MACF1: variants seen among roughly 807,000 people sequenced by gnomAD.
MACF1 encodes the protein microtubule-actin cross-linking factor 1.
In MACF1, 193 loss-of-function variants were observed where a neutral mutation model predicts 854.8. That is an observed-to-expected ratio of 0.23 (90% CI 0.20 to 0.25). The LOEUF is 0.25. MACF1 is among the 10% of genes least tolerant of loss of function. The pLI is 1.00. For missense variants in MACF1, 7,722 were observed against 8,929.1 expected, an observed-to-expected ratio of 0.86 and a Z score of 5.45; for synonymous variants, 3,185 against 3,226.7, an observed-to-expected ratio of 0.99 and a Z score of 0.44.
At chr1:39,211,435 A>G (rs1644515078) in intron 1 of MACF1, among the ~76,000 whole-genome samples, 1 of 152,136 alleles carries the variant, frequency 6.6e-6, no homozygotes, top group African/African-American at 2.4e-5. Context: ...TTAAATTTAA[A>G]AAAAATTTCA....
At chr1:39,282,497 G>A (rs1571262686) in intron 7 of MACF1, 123 bp downstream of exon 7, 1 of 1,157,066 alleles carries the variant, frequency 8.6e-7, no homozygotes, top group South Asian at 1.9e-5. Flanking sequence ...TTGTTCATTT[G>A]AAAAAGAAAC....
At chr1:39,351,493 T>G (rs994973470) in intron 43 of MACF1, among the ~76,000 whole-genome samples, 5 of 152,092 alleles carry the variant, frequency 3.3e-5, no homozygotes, top group African/African-American at 9.6e-5. Flanking sequence ...TCTTGCTATC[T>G]GTATACTCAG....
chr1:39,139,971 TA>T (rs1643302635), intron 2 of MACF1, among the ~76,000 whole-genome samples: 2 of 151,592 alleles, frequency 1.3e-5, no homozygotes, highest in Non-Finnish European at 2.9e-5. Flanking sequence ...TAATTTTTTT[TA>T]GAGACAAGGT....
Position 39,332,751 on chromosome 1 carries a change from G to A in MACF1, c.6163G>A (p.Glu2055Lys). 1.2e-6 allele frequency: 2 copies of A among 1,614,180 alleles called. No homozygotes were observed. The highest frequency in any genetic ancestry group is 1.7e-6 in the Non-Finnish European group (2 of 1,180,036). ...SSQNKEYPDR[E>K]DCTTEKGKKT... Reference sequence around the variant, plus strand: ...TCAGAACAAAGAATATCCCGATCGGGAAGATTGCACTACAGAAAAAGGCAA... The same window carrying A: ...TCAGAACAAAGAATATCCCGATCGGAAAGATTGCACTACAGAAAAAGGCAA... Residue 2055 changes from glutamate (E) to lysine (K), a missense_variant, in exon 37 of 101, where the codon GAA (glutamate) becomes AAA (lysine). Around this residue, in one of 15 missense-constraint regions of MACF1, gnomAD observed 1,531 missense variants for 1,601.6 expected, o/e 0.96. Transcript: ENST00000564288.
chr1:39,310,775 G>C, intron 25 of MACF1, 56 bp from the exon 26 acceptor site: 1 of 1,508,938 alleles, frequency 6.6e-7, no homozygotes, highest in Non-Finnish European at 9.0e-7. Flanking sequence ...TAGGATATCA[G>C]GTCTGCTTAT....
At chr1:39,139,557 A>C (rs1336463347) in intron 2 of MACF1, among the ~76,000 whole-genome samples, 1 of 151,808 alleles carries the variant, frequency 6.6e-6, no homozygotes, top group African/African-American at 2.4e-5. Context: ...AAAATGAACT[A>C]GTGCTTTCTG....
At chr1:39,228,080 G>A (rs1280238445) in intron 1 of MACF1, among the ~76,000 whole-genome samples, 1 of 152,166 alleles carries the variant, frequency 6.6e-6, no homozygotes, top group East Asian at 1.9e-4. Flanking sequence ...GGAGGCCAAC[G>A]CGGGTGGATC....
intron 1 of MACF1, 100 bp downstream of exon 1, chr1:39,205,231 A>G (rs949508682): frequency 1.6e-5 from 11 of 675,618 alleles, no homozygotes; most frequent in Non-Finnish European, 2.7e-5. Context: ...TTAAAGGGCC[A>G]GTACGTCCTT....
chr1:39,282,042 GCATT>G (rs997751235), intron 6 of MACF1, among the ~76,000 whole-genome samples, 162 bp from the exon 7 acceptor site: 8 of 152,106 alleles, frequency 5.3e-5, no homozygotes, highest in African/African-American at 1.9e-4. Context: ...GTTTTAATTT[GCATT>G]TATTTGACTA....
chr1:39,411,702 A>C, intron 58 of MACF1: 1 of 1,613,868 alleles, frequency 6.2e-7, no homozygotes, highest in Admixed American at 1.7e-5. Flanking sequence ...GTGAAGAAGG[A>C]GTAACTCCTC....
At chr1:39,165,605 A>C (rs1643874291) in intron 2 of MACF1, among the ~76,000 whole-genome samples, 1 of 152,078 alleles carries the variant, frequency 6.6e-6, no homozygotes, top group Non-Finnish European at 1.5e-5. Context: ...TTTTCCCCTC[A>C]TCCTTGATTT....
intron 66 of MACF1, 101 bp downstream of exon 66, chr1:39,431,009 G>A (rs916179388): frequency 1.3e-5 from 14 of 1,056,112 alleles, no homozygotes; most frequent in Non-Finnish European, 1.9e-5. Flanking sequence ...ATAAGAATGG[G>A]CTCAAGCTAA....
chr1:39,360,012 AATATATATATAT>A (rs1188839648), intron 47 of MACF1, among the ~76,000 whole-genome samples: 306 of 28,776 alleles, frequency 0.011, 8 homozygotes, highest in East Asian at 0.062. Context: ...AAAAAAAAAA[AATATATATATAT>A]ATATATATAT....
intron 58 of MACF1, chr1:39,411,050 C>G (rs748902574): frequency 1.2e-6 from 2 of 1,613,850 alleles, no homozygotes; most frequent in Middle Eastern, 1.6e-4. Flanking sequence ...TGGCCGAGGG[C>G]CACAAAAAGT....
chr1:39,483,960 G>C (rs1291549156), intron 99 of MACF1, among the ~76,000 whole-genome samples: 3 of 152,150 alleles, frequency 2.0e-5, no homozygotes, highest in Non-Finnish European at 4.4e-5. Context: ...GACCATCCTG[G>C]CTAACACGGT....
At chr1:39,454,884 C>T in intron 88 of MACF1, 25 bp from the exon 89 acceptor site, 1 of 1,595,540 alleles carries the variant, frequency 6.3e-7, no homozygotes, top group Non-Finnish European at 8.5e-7. Context: ...CTGAAAGAGG[C>T]CATGGTTTCC....
chr1:39,406,386 G>T (rs1236177262), intron 58 of MACF1, among the ~76,000 whole-genome samples: 1 of 152,156 alleles, frequency 6.6e-6, no homozygotes, highest in Non-Finnish European at 1.5e-5. Context: ...GTTGATACCT[G>T]ACTTGGTGAG....
intron 35 of MACF1, among the ~76,000 whole-genome samples, chr1:39,325,662 T>G (rs1353602688): frequency 6.6e-6 from 1 of 152,144 alleles, no homozygotes; most frequent in East Asian, 1.9e-4. Context: ...AAGTACAACC[T>G]TAAACAGGAA....
chr1:39,361,547 T>C lies in MACF1; in HGVS notation c.12641T>C (p.Leu4214Pro). The change falls in exon 49 of 101, where the codon CTT (leucine) becomes CCT (proline). Residue 4214 changes from leucine to proline, a missense_variant. Leu to Pro is a moderately conservative substitution (Grantham distance 98). Coordinates refer to ENST00000564288, the MANE Select transcript of MACF1 (RefSeq NM_001394062.1). Reference protein sequence around the residue: ...QQEKESSLKKLLPQAEMFEHL... With the variant: ...QQEKESSLKKPLPQAEMFEHL... The stretch of plus-strand genomic sequence containing the variant: ...GAAAAGGAGAGCTCCCTAAAGAAGC[T>C]TCTACCCCAGGCAGAGATGTTTGAA... 6.2e-7 allele frequency: 1 copy of C among 1,614,128 alleles called. No homozygotes were observed. The highest frequency in any genetic ancestry group is 8.5e-7 in the Non-Finnish European group (1 of 1,180,024).
Sources: allele counts gnomAD v4.1 joint callset (sites outside exome capture counted in the v4.1 genomes callset), GRCh38; gene constraint gnomAD v4.1.1; regional missense constraint gnomAD v4.1.1; transcripts MANE v1.5; gene names NCBI Gene and HGNC (gene_info 2026-07-23, HGNC 2026-07-21).